ERI1: variants seen among roughly 807,000 people sequenced by gnomAD.
ERI1 encodes 3'-5' exoribonuclease 1.
ERI1 carries 39 observed loss-of-function variants against 39.7 expected under a neutral mutation model. That is an observed-to-expected ratio of 0.98 (90% CI 0.76 to 1.28). The LOEUF is 1.28. Among genes scored for constraint, ERI1 ranks in the 50% most tolerant of loss-of-function variants. ERI1 has a pLI of 0.00. For synonymous variants in ERI1, 204 were observed against 149.6 expected (o/e 1.36, Z -2.65); for missense variants, 581 against 416.9 (o/e 1.39, Z -3.43).
At chr8:9,013,646 C>T (rs780483859) in intron 3 of ERI1, among the ~76,000 whole-genome samples, 1 of 152,110 alleles carries the variant, frequency 6.6e-6, no homozygotes, top group African/African-American at 2.4e-5. Flanking sequence ...CCAACCCGTT[C>T]CAAATCCAGA....
At chr8:9,062,240 G>T (rs181869732) in intron 3 of ERI1, among the ~76,000 whole-genome samples, 4 of 152,072 alleles carry the variant, frequency 2.6e-5, no homozygotes, top group African/African-American at 4.8e-5. Context: ...AGGGGTGCAT[G>T]ATCAGTCGCC....
At chr8:9,076,239 C>T (rs974660067) in intron 3 of ERI1, among the ~76,000 whole-genome samples, 2 of 152,092 alleles carry the variant, frequency 1.3e-5, no homozygotes, top group Admixed American at 6.6e-5. Flanking sequence ...CCACTGTGCC[C>T]AGCCAGAAAA....
At chr8:9,064,141 G>T (rs1221490098) in intron 3 of ERI1, among the ~76,000 whole-genome samples, 1 of 151,872 alleles carries the variant, frequency 6.6e-6, no homozygotes, top group Non-Finnish European at 1.5e-5. Flanking sequence ...AAGGGATTGG[G>T]GCACAGAGAT....
At chr8:9,067,620 A>G (rs1389097179) in intron 3 of ERI1, among the ~76,000 whole-genome samples, 1 of 149,180 alleles carries the variant, frequency 6.7e-6, no homozygotes, top group African/African-American at 2.5e-5. Context: ...GCACCACTGC[A>G]CTCCAGGCTG....
At position 9,030,249 on chromosome 8, in the gene ERI1, C is replaced by G. The variant is rs150068853; in HGVS notation, c.*215C>G. ...CAGCACTTTTGATATGAACAGTATT[C>G]GTTACATAGTAACAGTTCCTGCTTA... On this transcript the variant is annotated 3_prime_UTR_variant, in exon 7 of 7. Transcript: ENST00000250263. 3,866 of 566,318 alleles carry G rather than the reference C, an allele frequency of 6.8e-3. 26 individuals are homozygous for G. Among genetic ancestry groups the G allele is most frequent in the Middle Eastern group, 0.016 (34 of 2,094 alleles). The allele number at this position is 566,318 out of a possible 1,614,324, so 35.1% of individuals were successfully genotyped here.
At chr8:9,049,480 C>T (rs1798288520) in intron 3 of ERI1, among the ~76,000 whole-genome samples, 1 of 150,292 alleles carries the variant, frequency 6.7e-6, no homozygotes, top group South Asian at 2.1e-4. Context: ...GGGAGTCCTG[C>T]AACTAGACCT....
Position 9,064,067 on chromosome 8 carries a change from T to C in ERI1, n.299+43603T>C, listed in dbSNP as rs373685708. The stretch of plus-strand genomic sequence containing the variant: ...TAAATAAGGGGTTGGGGCACAGAGA[T>C]AAGAGGTTGGAGTGTGGAAATAAGG... On this transcript the variant is annotated intron_variant and non_coding_transcript_variant, in intron 3 of 3. Transcript: ENST00000518663. 3.4e-3 allele frequency among the ~76,000 whole-genome samples: 516 copies of C among 150,176 alleles called. 3 individuals carry two copies. The highest frequency in any genetic ancestry group is 0.012 in the African/African-American group (490 of 40,662).
chr8:9,073,653 T>G (rs1799123578), intron 3 of ERI1, among the ~76,000 whole-genome samples: 2 of 148,064 alleles, frequency 1.4e-5, no homozygotes, highest in Admixed American at 1.3e-4. Context: ...CGCTGAAAAA[T>G]TATATTCTTC....
chr8:9,021,463 T>G (rs1817883854), intron 6 of ERI1, among the ~76,000 whole-genome samples: 1 of 152,202 alleles, frequency 6.6e-6, no homozygotes, highest in African/African-American at 2.4e-5. Flanking sequence ...TGTTCTAAAG[T>G]AGTTTCATGA....
At chr8:9,008,633 A>T (rs1350442981) in intron 2 of ERI1, among the ~76,000 whole-genome samples, 2 of 152,226 alleles carry the variant, frequency 1.3e-5, no homozygotes, top group Admixed American at 6.5e-5. Flanking sequence ...TTCACTGTAT[A>T]TTGAGTGAGA....
At chr8:9,042,342 C>G (rs939553241) in intron 3 of ERI1, among the ~76,000 whole-genome samples, 2 of 152,176 alleles carry the variant, frequency 1.3e-5, no homozygotes, top group African/African-American at 4.8e-5. Context: ...ATCTATTGCC[C>G]TGATCTCTCT....
intron 3 of ERI1, among the ~76,000 whole-genome samples, chr8:9,099,094 C>G (rs1018313232): frequency 6.6e-6 from 1 of 152,120 alleles, no homozygotes; most frequent in Admixed American, 6.5e-5. Context: ...CTCAGCCTCT[C>G]AAAGTGCTGG....
rs538357213 is a variant in ERI1, at chr8:9,003,385, C to A, written c.108+214C>A. Among the ~76,000 whole-genome samples the A allele has an allele frequency of 5.3e-5, 8 of 152,310 alleles. No homozygotes were observed. In the South Asian group the frequency reaches 8.3e-4, roughly 16 times the overall value. On this transcript the variant is annotated intron_variant, in intron 1 of 6. Transcript: ENST00000250263. Reference sequence around the variant, plus strand: ...AATCACTCTCTGGGAGGGAGGAAATCGTCAAGACCAGTTCTGTCTACAGTG... The same window carrying A: ...AATCACTCTCTGGGAGGGAGGAAATAGTCAAGACCAGTTCTGTCTACAGTG...
intron 3 of ERI1, among the ~76,000 whole-genome samples, chr8:9,042,945 C>T (rs1798070223): frequency 6.6e-6 from 1 of 152,170 alleles, no homozygotes; most frequent in African/African-American, 2.4e-5. Context: ...GCCGTATGTC[C>T]CCCGGCACAT....
At chr8:9,098,505 A>C (rs1347699259) in intron 3 of ERI1, among the ~76,000 whole-genome samples, 2 of 152,080 alleles carry the variant, frequency 1.3e-5, no homozygotes, top group South Asian at 4.1e-4. Context: ...GTGACAGAAT[A>C]AGTGAGACTC....
intron 3 of ERI1, among the ~76,000 whole-genome samples, chr8:9,061,356 G>A (rs1215631946): frequency 4.6e-5 from 7 of 152,176 alleles, no homozygotes; most frequent in African/African-American, 1.7e-4. Flanking sequence ...GGTAATTGTG[G>A]GAGACTCAAC....
chr8:9,015,906 A>T (rs1243156446), intron 3 of ERI1, among the ~76,000 whole-genome samples: 1 of 152,164 alleles, frequency 6.6e-6, no homozygotes, highest in African/African-American at 2.4e-5. Flanking sequence ...AGTAAATGAG[A>T]GAAAAATAGT....
chr8:9,077,871 G>T (rs1378536147), intron 3 of ERI1, among the ~76,000 whole-genome samples: 1 of 152,156 alleles, frequency 6.6e-6, no homozygotes, highest in Non-Finnish European at 1.5e-5. Context: ...ATTTTTTTCT[G>T]ATCCCCAACA....
chr8:9,059,756 C>A (rs71514525), intron 3 of ERI1, among the ~76,000 whole-genome samples: 21,809 of 151,922 alleles, frequency 0.14, 1,712 homozygotes, highest in African/African-American at 0.18. Context: ...TAGCACCAGG[C>A]GATATCAGCT....
Sources: allele counts gnomAD v4.1 joint callset (sites outside exome capture counted in the v4.1 genomes callset), GRCh38; gene constraint gnomAD v4.1.1; transcripts MANE v1.5; gene names NCBI Gene and HGNC (gene_info 2026-07-23, HGNC 2026-07-21).